Variants in NTM observed in about 807,000 individuals in gnomAD.
The protein encoded by NTM is neurotrimin, also known as IgLON family member 2.
A neutral mutation model predicts 42.1 loss-of-function variants in NTM; 13 were observed. The ratio of observed to expected loss-of-function variants is 0.31; its 90% CI spans 0.20 to 0.49. The LOEUF (loss-of-function observed/expected upper bound fraction) is 0.49, where lower values mean the gene tolerates loss of function less well. Among genes scored for constraint, NTM ranks in the 20% least tolerant of loss-of-function variants. NTM has a pLI of 0.99. For missense variants in NTM, 373 were observed against 452.8 expected, an observed-to-expected ratio of 0.82 and a Z score of 1.60; for synonymous variants, 187 against 179.2, an observed-to-expected ratio of 1.04 and a Z score of -0.35.
At position 132,043,441 on chromosome 11, in the gene NTM, C is replaced by T. The variant is rs188770541; in HGVS notation, c.168-102841C>T. Among the ~76,000 whole-genome samples the T allele has an allele frequency of 2.0e-4, 31 of 152,340 alleles. 1 individual carries two copies. The highest frequency in any genetic ancestry group is 2.0e-3 in the Admixed American group (31 of 15,310). The stretch of plus-strand genomic sequence containing the variant: ...TGCTTTCAGCCAACTGTCAAGAGCT[C>T]ATCAAGCCCCTTCCTGCATCCTCTG... On this transcript the variant is annotated intron_variant, in intron 2 of 8. Transcript: ENST00000683400.
At chr11:132,046,023 CTG>C (rs982657401) in intron 2 of NTM, among the ~76,000 whole-genome samples, 31 of 152,214 alleles carry the variant, frequency 2.0e-4, no homozygotes, top group African/African-American at 6.5e-4. Flanking sequence ...CTGTGCATTT[CTG>C]TGTCATCCCT....
chr11:131,386,032 A>G (rs1194528257), intron 1 of NTM, among the ~76,000 whole-genome samples: 1 of 152,236 alleles, frequency 6.6e-6, no homozygotes, highest in Non-Finnish European at 1.5e-5. Context: ...GAATGTTCAT[A>G]GCAGCATTAT....
At chr11:131,511,489 G>T (rs1221295832) in intron 1 of NTM, among the ~76,000 whole-genome samples, 1 of 152,220 alleles carries the variant, frequency 6.6e-6, no homozygotes, top group Admixed American at 6.5e-5. Flanking sequence ...CTTAAGAATG[G>T]TTTAAATCAG....
chr11:132,150,854 C>A (rs2071737975), intron 3 of NTM, among the ~76,000 whole-genome samples: 2 of 152,128 alleles, frequency 1.3e-5, no homozygotes, highest in Admixed American at 6.5e-5. Flanking sequence ...GATCACATGG[C>A]AAAACTGATT....
intron 1 of NTM, among the ~76,000 whole-genome samples, chr11:131,777,874 C>G (rs1408500650): frequency 1.3e-5 from 2 of 152,066 alleles, no homozygotes. Flanking sequence ...TGATAATTGC[C>G]TATGGGAGTT....
intron 2 of NTM, among the ~76,000 whole-genome samples, chr11:132,056,975 A>T (rs1343803710): frequency 6.6e-6 from 1 of 152,188 alleles, no homozygotes; most frequent in Non-Finnish European, 1.5e-5. Context: ...TTTGTCGTAT[A>T]GCAGTGTTAG....
intron 2 of NTM, among the ~76,000 whole-genome samples, chr11:131,943,538 G>A (rs12574460): frequency 2.6e-5 from 4 of 152,238 alleles, no homozygotes; most frequent in African/African-American, 7.2e-5. Flanking sequence ...CTGGGTTGGC[G>A]CCCTGCCAGA....
At chr11:132,088,848 T>A (rs960772074) in intron 2 of NTM, among the ~76,000 whole-genome samples, 2 of 152,216 alleles carry the variant, frequency 1.3e-5, no homozygotes, top group Non-Finnish European at 2.9e-5. Context: ...ATCAGGAATT[T>A]AACTCTGTCA....
chr11:132,020,480 A>G (rs1427392270), intron 2 of NTM, among the ~76,000 whole-genome samples: 1 of 151,914 alleles, frequency 6.6e-6, no homozygotes, highest in African/African-American at 2.4e-5. Flanking sequence ...CCATTTAATT[A>G]TTGTATTAAT....
chr11:131,526,295 T>C (rs561404133), intron 1 of NTM, among the ~76,000 whole-genome samples: 1 of 152,314 alleles, frequency 6.6e-6, no homozygotes, highest in African/African-American at 2.4e-5. Flanking sequence ...TAAGTATTTC[T>C]CTGCACCCCA....
intron 2 of NTM, among the ~76,000 whole-genome samples, chr11:132,023,107 G>C (rs1326878025): frequency 6.6e-6 from 1 of 152,154 alleles, no homozygotes; most frequent in African/African-American, 2.4e-5. Context: ...ATTTTACTTT[G>C]ATTAGGAGGC....
At chr11:131,466,400 G>A (rs1431642893) in intron 1 of NTM, among the ~76,000 whole-genome samples, 1 of 152,186 alleles carries the variant, frequency 6.6e-6, no homozygotes, top group Non-Finnish European at 1.5e-5. Context: ...TTAGAGCTAA[G>A]GAAACTTGGA....
At chr11:132,140,675 G>A (rs1392386238) in intron 2 of NTM, among the ~76,000 whole-genome samples, 1 of 152,164 alleles carries the variant, frequency 6.6e-6, no homozygotes, top group Admixed American at 6.5e-5. Flanking sequence ...GTCTTCGTGG[G>A]GAAGTATCCT....
chr11:132,261,703 G>A (rs2092866487), intron 4 of NTM, among the ~76,000 whole-genome samples: 1 of 152,190 alleles, frequency 6.6e-6, no homozygotes, highest in South Asian at 2.1e-4. Flanking sequence ...GAATAGATAG[G>A]TTGCAGGTTT....
intron 2 of NTM, among the ~76,000 whole-genome samples, chr11:132,044,172 GCA>G (rs1566016597): frequency 1.9e-3 from 85 of 44,886 alleles, no homozygotes; most frequent in East Asian, 7.8e-3. Flanking sequence ...GTGCTTATGT[GCA>G]TGTGTATGTG....
intron 1 of NTM, among the ~76,000 whole-genome samples, chr11:131,516,458 A>G (rs1263702522): frequency 6.6e-6 from 1 of 152,106 alleles, no homozygotes; most frequent in East Asian, 1.9e-4. Context: ...GGCTCACGCA[A>G]TCTCCGCCTC....
chr11:131,401,605 A>C (rs1312932764), intron 1 of NTM, among the ~76,000 whole-genome samples: 3 of 151,040 alleles, frequency 2.0e-5, no homozygotes, highest in Non-Finnish European at 2.9e-5. Context: ...CTTCCATTGG[A>C]TATCCTTTAT....
At chr11:131,866,346 T>G (rs2047211940) in intron 1 of NTM, among the ~76,000 whole-genome samples, 2 of 152,260 alleles carry the variant, frequency 1.3e-5, no homozygotes, top group Admixed American at 1.3e-4. Flanking sequence ...CAATGGCATC[T>G]GCAGGTTGCT....
chr11:131,621,705 C>T (rs2062571728), intron 1 of NTM, among the ~76,000 whole-genome samples: 1 of 150,842 alleles, frequency 6.6e-6, no homozygotes, highest in Admixed American at 6.6e-5. Flanking sequence ...GCCTGTAGTC[C>T]CAGCTACTGA....
Sources: allele counts gnomAD v4.1 joint callset (sites outside exome capture counted in the v4.1 genomes callset), GRCh38; gene constraint gnomAD v4.1.1; transcripts MANE v1.5; gene names NCBI Gene and HGNC (gene_info 2026-07-23, HGNC 2026-07-21).